ATXN7: variants seen among roughly 807,000 people sequenced by gnomAD.
ATXN7 encodes ataxin-7.
ATXN7 carries 12 observed loss-of-function variants against 70.5 expected under a neutral mutation model. The ratio of observed to expected loss-of-function variants is 0.17; its 90% confidence interval spans 0.11 to 0.28. The LOEUF (loss-of-function observed/expected upper bound fraction) is 0.28. Ranked by LOEUF, ATXN7 falls within the 10% of genes least tolerant of loss-of-function variation. ATXN7 has a pLI of 1.00. For missense variants in ATXN7, 1,256 were observed against 1,131.7 expected (o/e 1.11, Z -1.58); for synonymous variants, 498 against 448.7 (o/e 1.11, Z -1.39).
At chr3:63,915,408 T>C (rs904204392) in intron 4 of ATXN7, among the ~76,000 whole-genome samples, 5 of 152,222 alleles carry the variant, frequency 3.3e-5, no homozygotes, top group African/African-American at 7.2e-5. Context: ...TGTGGGGATA[T>C]TTTAAAATCC....
chr3:63,948,854 G>A (rs1398091950), intron 4 of ATXN7, among the ~76,000 whole-genome samples: 3 of 152,090 alleles, frequency 2.0e-5, no homozygotes, highest in Non-Finnish European at 2.9e-5. Context: ...GAAAGATTTA[G>A]GGCTTACACA....
chr3:63,917,060 C>G (rs1240912196), intron 4 of ATXN7, among the ~76,000 whole-genome samples: 2 of 152,212 alleles, frequency 1.3e-5, no homozygotes, highest in South Asian at 4.2e-4. Flanking sequence ...GCTGGGATTA[C>G]AGGCACCTGC....
At chr3:63,963,070 C>G (rs2075158793) in intron 5 of ATXN7, among the ~76,000 whole-genome samples, 1 of 151,902 alleles carries the variant, frequency 6.6e-6, no homozygotes, top group South Asian at 2.1e-4. Context: ...CACACGCCAC[C>G]ACACCTAGCT....
intron 8 of ATXN7, among the ~76,000 whole-genome samples, chr3:63,986,878 A>G (rs2075586300): frequency 6.6e-6 from 1 of 152,188 alleles, no homozygotes; most frequent in African/African-American, 2.4e-5. Flanking sequence ...TATTATGTGT[A>G]GGGGCATGCA....
chr3:63,930,173 T>G (rs886167110), intron 4 of ATXN7, among the ~76,000 whole-genome samples: 1 of 152,210 alleles, frequency 6.6e-6, no homozygotes, highest in Non-Finnish European at 1.5e-5. Flanking sequence ...AATGCTTGAT[T>G]TGGTAAAATT....
intron 5 of ATXN7, among the ~76,000 whole-genome samples, chr3:63,954,267 T>G (rs770507078): frequency 6.6e-6 from 1 of 152,188 alleles, no homozygotes. Flanking sequence ...CTGCCACATA[T>G]GGCTGCACAG....
intron 2 of ATXN7, among the ~76,000 whole-genome samples, chr3:63,911,302 T>C (rs1323282920): frequency 1.3e-5 from 2 of 152,212 alleles, no homozygotes; most frequent in African/African-American, 4.8e-5. Context: ...GCCTTTTATT[T>C]TGCCATCTGT....
intron 4 of ATXN7, among the ~76,000 whole-genome samples, chr3:63,930,791 A>T (rs1704922912): frequency 6.6e-6 from 1 of 152,026 alleles, no homozygotes; most frequent in Admixed American, 6.5e-5. Context: ...TGGCCTCTCA[A>T]AGTGCTGGGA....
At position 63,988,265 on chromosome 3, in the gene ATXN7, T is replaced by G; in HGVS notation, c.1302T>G (p.Pro434=). 1 of 1,613,978 alleles carries G rather than the reference T, an allele frequency of 6.2e-7. No homozygotes were observed. The highest frequency in any genetic ancestry group is 8.5e-7 in the Non-Finnish European group (1 of 1,179,942). Residue 434 remains proline, a synonymous_variant, in exon 9 of 13, where the codon CCT becomes CCG. Coordinates refer to ENST00000674280, the MANE Select transcript of ATXN7 (RefSeq NM_001377405.1). ...EPHQNPHGVI[P]SESKPFVASK... is the part of the protein sequence containing the mutation. The stretch of plus-strand genomic sequence containing the variant: ...ACCAAAACCCTCACGGAGTGATTCC[T>G]TCCGAATCAAAGCCTTTTGTAGCTA...
intron 4 of ATXN7, among the ~76,000 whole-genome samples, chr3:63,948,470 C>A (rs185957467): frequency 1.5e-3 from 234 of 152,014 alleles, no homozygotes; most frequent in African/African-American, 5.2e-3. Flanking sequence ...TGGGAGCAGT[C>A]GGGGCTGGAG....
intron 1 of ATXN7, chr3:63,864,576 A>G (rs1017420408): frequency 2.0e-5 from 3 of 152,074 alleles, no homozygotes; most frequent in African/African-American, 7.2e-5. Flanking sequence ...TGAAAGAGAA[A>G]CTTGGCGACC....
chr3:63,928,746 A>G (rs144103806), intron 4 of ATXN7, among the ~76,000 whole-genome samples: 11 of 152,352 alleles, frequency 7.2e-5, no homozygotes, highest in East Asian at 3.9e-4. Context: ...TGATTTATCA[A>G]TTCAGCAGTG....
At position 63,952,364 on chromosome 3, in the gene ATXN7, G is replaced by A. The variant is rs2074969778; in HGVS notation, c.395-15G>A. The A allele has an allele frequency of 6.3e-7, 1 of 1,591,368 alleles. No homozygotes were observed. The highest frequency in any genetic ancestry group is 1.3e-5 in the African/African-American group (1 of 74,214). On this transcript the variant is annotated splice_polypyrimidine_tract_variant and intron_variant, in intron 4 of 12. Transcript: ENST00000674280. Reference sequence around the variant, plus strand: ...GAACCAGATGAGTGAGTGATGCTCTGTTTCTGTGTTGCAGACATGCCAATA... The same window carrying A: ...GAACCAGATGAGTGAGTGATGCTCTATTTCTGTGTTGCAGACATGCCAATA...
chr3:63,955,981 TA>T (rs1296535622), intron 5 of ATXN7, among the ~76,000 whole-genome samples: 1 of 152,212 alleles, frequency 6.6e-6, no homozygotes, highest in Non-Finnish European at 1.5e-5. Flanking sequence ...TCGGAGTAGT[TA>T]AGAAGCCCTG....
intron 1 of ATXN7, chr3:63,866,942 G>C (rs1321165686): frequency 6.7e-6 from 1 of 150,148 alleles, no homozygotes; most frequent in Non-Finnish European, 1.5e-5. Flanking sequence ...TGATTTATTT[G>C]AGTCATAAGA....
intron 10 of ATXN7, 144 bp from the exon 11 acceptor site, chr3:63,990,594 T>C: frequency 7.4e-7 from 1 of 1,349,868 alleles, no homozygotes; most frequent in Non-Finnish European, 1.0e-6. Flanking sequence ...GGGCTAGGCA[T>C]TGTCACTCTC....
chr3:63,960,839 C>G (rs1202852246), intron 5 of ATXN7, among the ~76,000 whole-genome samples: 1 of 149,580 alleles, frequency 6.7e-6, no homozygotes, highest in Non-Finnish European at 1.5e-5. Context: ...GCAGTGATGC[C>G]AAGTTGGGGG....
chr3:63,978,719 G>T (rs2075433585), intron 5 of ATXN7, among the ~76,000 whole-genome samples: 1 of 152,206 alleles, frequency 6.6e-6, no homozygotes, highest in African/African-American at 2.4e-5. Context: ...TTTGTCTGTA[G>T]ATAGCTAGGA....
chr3:63,957,820 A>G (rs1197566862), intron 5 of ATXN7, among the ~76,000 whole-genome samples: 3 of 152,226 alleles, frequency 2.0e-5, no homozygotes, highest in Non-Finnish European at 2.9e-5. Flanking sequence ...TACCAGCTCA[A>G]GTTCTTGAAT....
Sources: gnomAD v4.1 joint callset for allele counts (sites outside exome capture counted in the v4.1 genomes callset) on GRCh38, gnomAD v4.1.1 for gene constraint, MANE v1.5 for transcripts, NCBI Gene and HGNC (gene_info 2026-07-23, HGNC 2026-07-21) for gene names.